The following PAPPA2 variants were observed in gnomAD, a reference collection of about 807,000 sequenced individuals.
The protein encoded by PAPPA2 is pappalysin-2.
PAPPA2 carries 86 observed loss-of-function variants against 176.4 expected under a neutral mutation model. That is an observed-to-expected ratio of 0.49 (90% CI 0.41 to 0.58). The LOEUF is 0.58. Among genes scored for constraint, PAPPA2 ranks in the 20% least tolerant of loss-of-function variants. PAPPA2 has a pLI of 0.00. For missense variants in PAPPA2, 2,073 were observed against 2,256.9 expected (o/e 0.92, Z 1.65); for synonymous variants, 809 against 852.2 (o/e 0.95, Z 0.88).
chr1:176,793,435 G>A (rs957691447), intron 19 of PAPPA2, 125 bp from the exon 20 acceptor site: 20 of 756,798 alleles, frequency 2.6e-5, no homozygotes, highest in South Asian at 7.8e-5. Context: ...TGCCTACAAC[G>A]TCATAATATG....
chr1:176,713,155 GTTC>G (rs1407994617), intron 12 of PAPPA2, among the ~76,000 whole-genome samples: 1 of 150,566 alleles, frequency 6.6e-6, no homozygotes, highest in Admixed American at 6.6e-5. Context: ...ACGAATTCAA[GTTC>G]TTTTTTTTTT....
At position 176,494,937 on chromosome 1, in the gene PAPPA2, A is replaced by C. The variant is rs569081630; in HGVS notation, c.-917+31519A>C. Among the ~76,000 whole-genome samples, 3 of 152,274 alleles carry C rather than the reference A, an allele frequency of 2.0e-5. No homozygotes were observed. The East Asian group carries it at 5.8e-4, about 29-fold the overall frequency. ...AGTGTCATTTCTGATTTATGCATTTAATTAGGTAGGTGAAGGAGGCTTGCA... is the reference window on the plus strand; with the variant it reads ...AGTGTCATTTCTGATTTATGCATTTCATTAGGTAGGTGAAGGAGGCTTGCA... On this transcript the variant is annotated intron_variant, in intron 1 of 22. Coordinates refer to ENST00000367662, the MANE Select transcript of PAPPA2 (RefSeq NM_020318.3).
At chr1:176,564,659 A>G (rs1651855015) in intron 2 of PAPPA2, among the ~76,000 whole-genome samples, 1 of 151,998 alleles carries the variant, frequency 6.6e-6, no homozygotes, top group South Asian at 2.1e-4. Flanking sequence ...TGCAGGAAAC[A>G]AGTCATGCTA....
chr1:176,687,818 G>A (rs1185953489), intron 4 of PAPPA2, among the ~76,000 whole-genome samples: 2 of 152,030 alleles, frequency 1.3e-5, no homozygotes, highest in Admixed American at 1.3e-4. Context: ...GATATCAAAA[G>A]ATATTCTACC....
intron 2 of PAPPA2, among the ~76,000 whole-genome samples, chr1:176,560,747 C>G (rs1453614396): frequency 6.6e-6 from 1 of 152,238 alleles, no homozygotes; most frequent in Non-Finnish European, 1.5e-5. Context: ...TTCTCAACTT[C>G]CTTTCCTCTC....
rs185201912 is a variant in PAPPA2, at chr1:176,776,439, C to T, written c.4715+5259C>T. Among the ~76,000 whole-genome samples, 499 of 152,244 alleles carry T rather than the reference C, an allele frequency of 3.3e-3. 1 individual carries two copies. The highest frequency in any genetic ancestry group is 0.012 in the African/African-American group (481 of 41,548). On this transcript the variant is annotated intron_variant, in intron 17 of 22. Coordinates refer to ENST00000367662, the MANE Select transcript of PAPPA2 (RefSeq NM_020318.3). ...AGGGTTGCCCACAGCATCAACTTTT[C>T]CAAAGTACGTAAATCTGTTTAAGTT...
chr1:176,625,370 A>G (rs113719316), intron 3 of PAPPA2, among the ~76,000 whole-genome samples: 1 of 152,018 alleles, frequency 6.6e-6, no homozygotes, highest in Non-Finnish European at 1.5e-5. Flanking sequence ...TAGAACACAC[A>G]CCCTGCCAGA....
chr1:176,732,752 A>G (rs1474184682), intron 12 of PAPPA2, among the ~76,000 whole-genome samples: 1 of 152,162 alleles, frequency 6.6e-6, no homozygotes, highest in Non-Finnish European at 1.5e-5. Flanking sequence ...ACTGCTTCAG[A>G]AGACTGTTAC....
At chr1:176,591,181 T>C (rs1653640337) in intron 2 of PAPPA2, among the ~76,000 whole-genome samples, 1 of 152,006 alleles carries the variant, frequency 6.6e-6, no homozygotes, top group South Asian at 2.1e-4. Context: ...AGGCAGGTTC[T>C]GAGGACTCTT....
rs546582560 is a variant in PAPPA2 at position 176,467,118 on chromosome 1, G to GCCTA, written c.-917+3703_-917+3706dup. On this transcript the variant is annotated intron_variant, in intron 1 of 22. Transcript: ENST00000367662. Reference sequence around the variant, plus strand: ...CTATATACCTAGGCTTTATGGCATAGCCTACCGAGCCTACAAACCTGTATA... The same window carrying GCCTA: ...CTATATACCTAGGCTTTATGGCATAGCCTACCTACCGAGCCTACAAACCTGTATA... Among the ~76,000 whole-genome samples the GCCTA allele has an allele frequency of 2.9e-4, 44 of 152,262 alleles. No individual in the cohort carries two copies. The South Asian group carries it at 8.3e-3, about 29-fold the overall frequency.
At chr1:176,688,585 C>G (rs1019122410) in intron 4 of PAPPA2, among the ~76,000 whole-genome samples, 1 of 152,136 alleles carries the variant, frequency 6.6e-6, no homozygotes, top group Non-Finnish European at 1.5e-5. Flanking sequence ...TAGAGAATAA[C>G]AATTTTACCA....
intron 3 of PAPPA2, among the ~76,000 whole-genome samples, chr1:176,618,184 G>A (rs903383835): frequency 3.9e-5 from 6 of 152,180 alleles, no homozygotes; most frequent in Admixed American, 3.9e-4. Flanking sequence ...TTCCACTTTG[G>A]AATGTTGCAG....
rs940363797 is a variant in PAPPA2, at chr1:176,788,468, G to C, written c.4716-1341G>C. ...TGAGACTAGAAAATGGTGATTTAAGGCTGCCACATATTTGAAAGAGTCAAT... is the reference window on the plus strand; with the variant it reads ...TGAGACTAGAAAATGGTGATTTAAGCCTGCCACATATTTGAAAGAGTCAAT... On this transcript the variant is annotated intron_variant, in intron 17 of 22. Transcript: ENST00000367662. Among the ~76,000 whole-genome samples the C allele has an allele frequency of 2.6e-5, 4 of 152,310 alleles. No individual in the cohort carries two copies. The South Asian group carries it at 8.3e-4, about 32-fold the overall frequency.
chr1:176,693,522 G>A (rs1037784620), intron 6 of PAPPA2, among the ~76,000 whole-genome samples: 1 of 152,240 alleles, frequency 6.6e-6, no homozygotes, highest in Non-Finnish European at 1.5e-5. Flanking sequence ...GGTGTCGCTG[G>A]AGCAAGTTTC....
chr1:176,832,770 TA>T (rs1212848949), intron 21 of PAPPA2, among the ~76,000 whole-genome samples: 1 of 152,250 alleles, frequency 6.6e-6, no homozygotes, highest in African/African-American at 2.4e-5. Flanking sequence ...ATGTCTTTTT[TA>T]TCTTAACGTT....
At chr1:176,748,606 A>T (rs919053524) in intron 14 of PAPPA2, among the ~76,000 whole-genome samples, 2 of 152,210 alleles carry the variant, frequency 1.3e-5, no homozygotes, top group Admixed American at 1.3e-4. Context: ...GTTTCCTAGA[A>T]AATAAAATTA....
At chr1:176,531,655 G>A (rs931089414) in intron 1 of PAPPA2, among the ~76,000 whole-genome samples, 2 of 152,132 alleles carry the variant, frequency 1.3e-5, no homozygotes, top group Non-Finnish European at 2.9e-5. Context: ...CTCCTTACAA[G>A]GACATGCTGA....
rs139347436 is a variant in PAPPA2 at position 176,495,779 on chromosome 1, T to A, written c.-917+32361T>A. ...AAATATCTTACCAGTTAGAAAAAAA[T>A]AAATAAATTTTGGTGTGAATTTTTT... is the stretch of plus-strand genomic sequence containing the variant. On this transcript the variant is annotated intron_variant, in intron 1 of 22. Coordinates refer to ENST00000367662, the MANE Select transcript of PAPPA2 (RefSeq NM_020318.3). 2.3e-4 allele frequency among the ~76,000 whole-genome samples: 34 copies of A among 150,702 alleles called. No homozygotes were observed. In the South Asian group the frequency reaches 4.0e-3, roughly 18 times the overall value.
At chr1:176,661,279 G>A (rs1407655374) in intron 3 of PAPPA2, among the ~76,000 whole-genome samples, 1 of 151,962 alleles carries the variant, frequency 6.6e-6, no homozygotes, top group Non-Finnish European at 1.5e-5. Context: ...TAACCAAAAG[G>A]GGATTAAATA....
Sources: allele counts gnomAD v4.1 joint callset (sites outside exome capture counted in the v4.1 genomes callset), GRCh38; gene constraint gnomAD v4.1.1; transcripts MANE v1.5; gene names NCBI Gene and HGNC (gene_info 2026-07-23, HGNC 2026-07-21).